Variants in NRG3 observed in about 807,000 individuals in gnomAD.
NRG3 encodes pro-neuregulin-3, membrane-bound isoform.
A neutral mutation model predicts 66.9 loss-of-function variants in NRG3; 31 were observed. The observed-to-expected ratio is 0.46, with a 90% CI of 0.35 to 0.63. NRG3 has a LOEUF of 0.63. NRG3 is among the 20% of genes least tolerant of loss of function. NRG3 has a pLI of 0.00. For synonymous variants in NRG3, 393 were observed against 359.4 expected, an observed-to-expected ratio of 1.09 and a Z score of -1.06; for missense variants, 910 against 878.9, an observed-to-expected ratio of 1.04 and a Z score of -0.45.
intron 3 of NRG3, among the ~76,000 whole-genome samples, chr10:82,783,655 G>C (rs1404884148): frequency 1.3e-5 from 2 of 152,060 alleles, no homozygotes; most frequent in Non-Finnish European, 2.9e-5. Flanking sequence ...TACAAGGGAC[G>C]TGAAGGACCT....
chr10:82,144,805 A>G (rs1267986060), intron 1 of NRG3, among the ~76,000 whole-genome samples: 1 of 152,172 alleles, frequency 6.6e-6, no homozygotes, highest in Non-Finnish European at 1.5e-5. Context: ...CCTCCTGTAT[A>G]AAAAGGGGAT....
chr10:82,346,793 G>A (rs2083056171), intron 1 of NRG3, among the ~76,000 whole-genome samples: 1 of 151,980 alleles, frequency 6.6e-6, no homozygotes, highest in South Asian at 2.1e-4. Context: ...TTTAGTCTTG[G>A]GAGAGTGTAT....
chr10:82,451,620 A>G (rs2091021983), intron 2 of NRG3, among the ~76,000 whole-genome samples: 2 of 152,148 alleles, frequency 1.3e-5, no homozygotes, highest in South Asian at 4.1e-4. Flanking sequence ...GAAGAGCAGC[A>G]AATGTAAATA....
At chr10:82,561,051 A>G (rs760667362) in intron 2 of NRG3, among the ~76,000 whole-genome samples, 1 of 151,996 alleles carries the variant, frequency 6.6e-6, no homozygotes, top group Non-Finnish European at 1.5e-5. Flanking sequence ...CTTTACTGGG[A>G]TTGATTTTTC....
chr10:81,988,278 A>C (rs2060602773), intron 1 of NRG3, among the ~76,000 whole-genome samples: 1 of 152,084 alleles, frequency 6.6e-6, no homozygotes, highest in African/African-American at 2.4e-5. Context: ...TAAGATTTGA[A>C]CTCAGTTCAA....
chr10:82,018,284 A>G (rs932585977), intron 1 of NRG3, among the ~76,000 whole-genome samples: 4 of 152,068 alleles, frequency 2.6e-5, no homozygotes, highest in African/African-American at 9.7e-5. Flanking sequence ...ATTCTGTTCC[A>G]TTGGTCTACA....
intron 3 of NRG3, among the ~76,000 whole-genome samples, chr10:82,745,556 G>A (rs2058606721): frequency 1.3e-5 from 2 of 152,086 alleles, no homozygotes; most frequent in African/African-American, 2.4e-5. Flanking sequence ...CGTTTTTCTG[G>A]CTTGCCATGA....
Position 82,801,330 on chromosome 10 carries a change from G to A in NRG3, c.1027+62680G>A, listed in dbSNP as rs142816538. ...AAGAGCGTAAGACTGAAGTAACTATGAAAACTTATAGTTGAAGTGGTCACT... is the reference window on the plus strand; with the variant it reads ...AAGAGCGTAAGACTGAAGTAACTATAAAAACTTATAGTTGAAGTGGTCACT... On this transcript the variant is annotated intron_variant, in intron 3 of 8. Transcript: ENST00000372141. Among the ~76,000 whole-genome samples the A allele has an allele frequency of 5.0e-3, 757 of 152,286 alleles. 2 individuals carry two copies. Among genetic ancestry groups the A allele is most frequent in the African/African-American group, 0.018 (731 of 41,568 alleles).
At chr10:82,282,838 G>T (rs778333014) in intron 1 of NRG3, among the ~76,000 whole-genome samples, 1 of 152,054 alleles carries the variant, frequency 6.6e-6, no homozygotes, top group Non-Finnish European at 1.5e-5. Context: ...CGAAGGGTAG[G>T]ATGAGGGATC....
At chr10:82,633,088 A>G (rs922731613) in intron 2 of NRG3, among the ~76,000 whole-genome samples, 1 of 152,230 alleles carries the variant, frequency 6.6e-6, no homozygotes, top group Non-Finnish European at 1.5e-5. Context: ...TCACATTTTC[A>G]TCTGACTGTG....
At chr10:82,687,547 A>G (rs1461235548) in intron 2 of NRG3, among the ~76,000 whole-genome samples, 1 of 152,058 alleles carries the variant, frequency 6.6e-6, no homozygotes, top group African/African-American at 2.4e-5. Flanking sequence ...TTTTGTCAGG[A>G]GAGAAATTGG....
At chr10:82,304,862 A>G (rs1012445097) in intron 1 of NRG3, among the ~76,000 whole-genome samples, 1 of 151,928 alleles carries the variant, frequency 6.6e-6, no homozygotes, top group African/African-American at 2.4e-5. Flanking sequence ...GGTTCCCTCT[A>G]TACTCAAGGG....
At chr10:82,953,397 G>A (rs1001511258) in intron 5 of NRG3, among the ~76,000 whole-genome samples, 4 of 151,990 alleles carry the variant, frequency 2.6e-5, no homozygotes, top group Admixed American at 6.5e-5. Flanking sequence ...ATACCATACT[G>A]GTTCACATAG....
intron 1 of NRG3, among the ~76,000 whole-genome samples, chr10:82,096,363 C>A (rs2066343861): frequency 6.6e-6 from 1 of 152,036 alleles, no homozygotes; most frequent in Non-Finnish European, 1.5e-5. Context: ...GTAGTCCCAG[C>A]TACTTCGGAG....
chr10:81,929,003 T>TGATTTGTAGA (rs1847085641), intron 1 of NRG3, among the ~76,000 whole-genome samples: 1 of 152,130 alleles, frequency 6.6e-6, no homozygotes, highest in Admixed American at 6.5e-5. Flanking sequence ...TAAATTTATT[T>TGATTTGTAGA]GATTTGTAGA....
intron 3 of NRG3, among the ~76,000 whole-genome samples, chr10:82,794,389 T>G (rs763844309): frequency 6.6e-6 from 1 of 152,200 alleles, no homozygotes; most frequent in Non-Finnish European, 1.5e-5. Context: ...ATTGATCCAG[T>G]AGAATTTTTA....
chr10:82,517,606 TGTC>T (rs1845780446), intron 2 of NRG3, among the ~76,000 whole-genome samples: 1 of 141,786 alleles, frequency 7.1e-6, no homozygotes, highest in African/African-American at 2.9e-5. Flanking sequence ...CTTCACTCCT[TGTC>T]TCTCTCTCTC....
chr10:81,913,099 T>C (rs1188820183), intron 1 of NRG3, among the ~76,000 whole-genome samples: 2 of 152,156 alleles, frequency 1.3e-5, no homozygotes, highest in South Asian at 2.1e-4. Context: ...AAAGTCAGAT[T>C]ATACGTATAA....
At chr10:82,261,682 G>A (rs778730180) in intron 1 of NRG3, among the ~76,000 whole-genome samples, 8 of 152,200 alleles carry the variant, frequency 5.3e-5, no homozygotes, top group Non-Finnish European at 8.8e-5. Flanking sequence ...ATGGGAAACA[G>A]GGATGGGCTG....
Sources: gnomAD v4.1 joint callset for allele counts (sites outside exome capture counted in the v4.1 genomes callset) on GRCh38, gnomAD v4.1.1 for gene constraint, MANE v1.5 for transcripts, NCBI Gene and HGNC (gene_info 2026-07-23, HGNC 2026-07-21) for gene names.